The following ZC3H8 variants were observed in gnomAD, a reference collection of about 807,000 sequenced individuals.
ZC3H8 encodes zinc finger CCCH domain-containing protein 8.
A neutral mutation model predicts 42.5 loss-of-function variants in ZC3H8; 27 were observed. That is an observed-to-expected ratio of 0.64 (90% CI 0.47 to 0.88). The LOEUF (loss-of-function observed/expected upper bound fraction) is 0.88. Ranked by LOEUF, ZC3H8 falls within the 40% of genes least tolerant of loss-of-function variation. ZC3H8 has a pLI of 0.00. For missense variants in ZC3H8, 277 were observed against 336.1 expected, an observed-to-expected ratio of 0.82 and a Z score of 1.37; for synonymous variants, 101 against 110.1, an observed-to-expected ratio of 0.92 and a Z score of 0.52.
intron 8 of ZC3H8, among the ~76,000 whole-genome samples, chr2:112,224,013 C>T (rs1684706282): frequency 6.6e-6 from 1 of 152,040 alleles, no homozygotes; most frequent in South Asian, 2.1e-4. Flanking sequence ...GTGGTAGGTG[C>T]CTGTAATCCC....
chr2:112,248,357 GA>G (rs1477702973), intron 2 of ZC3H8, among the ~76,000 whole-genome samples: 1 of 151,192 alleles, frequency 6.6e-6, no homozygotes. Context: ...AAAAGAAAAA[GA>G]AAAGGAAAAA....
At chr2:112,253,140 TAAAA>T (rs375398776) in intron 1 of ZC3H8, among the ~76,000 whole-genome samples, 2,509 of 146,952 alleles carry the variant, frequency 0.017, 72 homozygotes, top group African/African-American at 0.059. Flanking sequence ...CTCAAAAAAA[TAAAA>T]AAAAAACCCA....
intron 2 of ZC3H8, among the ~76,000 whole-genome samples, chr2:112,248,363 GA>G (rs1469290710): frequency 6.6e-6 from 1 of 150,770 alleles, no homozygotes; most frequent in South Asian, 2.1e-4. Context: ...AAAAGAAAAG[GA>G]AAAAAAGAAA....
At chr2:112,235,862 C>A (rs762183521) in intron 4 of ZC3H8, among the ~76,000 whole-genome samples, 2 of 151,276 alleles carry the variant, frequency 1.3e-5, no homozygotes, top group Non-Finnish European at 2.9e-5. Flanking sequence ...GACTCAGTGG[C>A]CTTTGAAATG....
rs6747708 is a variant in ZC3H8, at chr2:112,238,306, G to A, written c.370+9C>T. ...TAAACTTTAAATGATAAAATAGTTT[G>A]ACTCTTACCCTGTGGGGTATCTTTT... On this transcript the variant is annotated intron_variant, in intron 3 of 8. Transcript: ENST00000409573. The A allele has an allele frequency of 2.6e-4, 424 of 1,609,574 alleles. 2 individuals carry two copies. The African/African-American group carries it at 4.9e-3, about 19-fold the overall frequency.
intron 8 of ZC3H8, among the ~76,000 whole-genome samples, chr2:112,228,534 C>T (rs1684950428): frequency 6.7e-6 from 1 of 149,610 alleles, no homozygotes; most frequent in African/African-American, 2.4e-5. Context: ...GACAATTGGA[C>T]ATCTACATGT....
At chr2:112,228,752 A>C (rs1331442274) in intron 8 of ZC3H8, among the ~76,000 whole-genome samples, 1 of 152,230 alleles carries the variant, frequency 6.6e-6, no homozygotes, top group African/African-American at 2.4e-5. Context: ...TACGACATCA[A>C]AATGAAAACT....
intron 6 of ZC3H8, 114 bp from the exon 7 acceptor site, chr2:112,232,061 T>C: frequency 9.5e-6 from 5 of 524,214 alleles, no homozygotes; most frequent in Non-Finnish European, 1.6e-5. Context: ...AGGTGGCTCA[T>C]GCCTGTAGGA....
At chr2:112,253,536 A>G (rs1386217336) in intron 1 of ZC3H8, among the ~76,000 whole-genome samples, 3 of 152,256 alleles carry the variant, frequency 2.0e-5, no homozygotes, top group Admixed American at 1.3e-4. Flanking sequence ...AATTGGGAGT[A>G]AAGTATTCGC....
chr2:112,237,890 T>A (rs912327507), intron 3 of ZC3H8, among the ~76,000 whole-genome samples: 1 of 152,224 alleles, frequency 6.6e-6, no homozygotes, highest in South Asian at 2.1e-4. Context: ...ATAATTGCCA[T>A]TTGCCCTCAT....
intron 8 of ZC3H8, 97 bp downstream of exon 8, chr2:112,230,806 A>G (rs1427540717): frequency 6.6e-6 from 5 of 756,998 alleles, no homozygotes; most frequent in African/African-American, 1.9e-5. Context: ...GAGGAAGAAG[A>G]AAAATACTTC....
intron 5 of ZC3H8, 96 bp downstream of exon 5, chr2:112,234,024 A>C: frequency 1.4e-6 from 1 of 707,708 alleles, no homozygotes; most frequent in Non-Finnish European, 2.1e-6. Flanking sequence ...TCCAGAATGA[A>C]ACAGCTTTAA....
rs556028944 is a variant in ZC3H8 at position 112,233,697 on chromosome 2, C to A, written c.622-326G>T. On this transcript the variant is annotated intron_variant, in intron 5 of 8. Coordinates refer to ENST00000409573, the MANE Select transcript of ZC3H8 (RefSeq NM_032494.3). ...CCTGGCTAACACGGTGAAACCTCGT[C>A]CCTACTAACAATACAAAAAAAATTA... Among the ~76,000 whole-genome samples, 20 of 152,168 alleles carry A rather than the reference C, an allele frequency of 1.3e-4. No homozygotes were observed. In the East Asian group the frequency reaches 3.7e-3, roughly 28 times the overall value.
intron 5 of ZC3H8, among the ~76,000 whole-genome samples, chr2:112,233,664 G>A (rs1270643772): frequency 1.3e-5 from 2 of 151,974 alleles, no homozygotes; most frequent in Admixed American, 6.6e-5. Flanking sequence ...TCAGGAGATC[G>A]AGACCATCCT....
In ZC3H8 at chr2:112,240,984, TGC is replaced by T. The variant is rs749968538; in HGVS notation, c.157-2458_157-2457del. Reference sequence around the variant, plus strand: ...GTGTGTGTGTGTGTGTGTGTGTGTGTGCGCGTGTGTATGTGTGTTGTGTTTTG... The same window carrying T: ...GTGTGTGTGTGTGTGTGTGTGTGTGTGCGTGTGTATGTGTGTTGTGTTTTG... On this transcript the variant is annotated intron_variant, in intron 2 of 8. Coordinates refer to ENST00000409573, the MANE Select transcript of ZC3H8 (RefSeq NM_032494.3). Among the ~76,000 whole-genome samples, 563 of 132,422 alleles carry T rather than the reference TGC, an allele frequency of 4.3e-3. 1 individual carries two copies. The highest frequency in any genetic ancestry group is 0.015 in the African/African-American group (519 of 33,656). 86.9% of individuals were successfully genotyped at this position (132,422 alleles called of 152,430 possible). A position where few individuals can be genotyped will look rare whatever the true frequency, so the allele number is the denominator to read the frequency against.
intron 5 of ZC3H8, 102 bp from the exon 6 acceptor site, chr2:112,233,473 G>A: frequency 1.0e-5 from 8 of 768,874 alleles, no homozygotes; most frequent in Non-Finnish European, 1.7e-5. Context: ...ATTCCAGAAA[G>A]AACCAAAGTC....
Position 112,213,049 on chromosome 2 carries a change from A to C in ZC3H8, c.*3435T>G, listed in dbSNP as rs1320280067. ...CAGTGGCACAATCAGGACTCACTGC[A>C]ACCTCGAATTCATGGGCTCCAGTGA... On this transcript the variant is annotated 3_prime_UTR_variant, in exon 9 of 9. Coordinates refer to ENST00000409573, the MANE Select transcript of ZC3H8 (RefSeq NM_032494.3). The C allele has an allele frequency of 6.7e-6, 1 of 149,618 alleles. No homozygotes were observed. Among genetic ancestry groups the C allele is most frequent in the East Asian group, 2.0e-4 (1 of 5,122 alleles). 9.3% of individuals were successfully genotyped at this position (149,618 alleles called of 1,614,324 possible).
Position 112,212,990 on chromosome 2 carries a change from TAA to T in ZC3H8, c.*3492_*3493del, listed in dbSNP as rs1684193123. The T allele has an allele frequency of 1.0e-5, 1 of 97,302 alleles. No homozygotes were observed. Among genetic ancestry groups the T allele is most frequent in the African/African-American group, 4.5e-5 (1 of 22,408 alleles). 6.0% of individuals were successfully genotyped at this position (97,302 alleles called of 1,614,324 possible). ...CTTTTTTTTTTTTTTTTTTTTTTTA[TAA>T]GAGACAAGGCTCTGTTGCCCAGGCT... On this transcript the variant is annotated 3_prime_UTR_variant, in exon 9 of 9. Coordinates refer to ENST00000409573, the MANE Select transcript of ZC3H8 (RefSeq NM_032494.3).
At chr2:112,237,618 C>T (rs1295997216) in intron 3 of ZC3H8, among the ~76,000 whole-genome samples, 1 of 151,190 alleles carries the variant, frequency 6.6e-6, no homozygotes, top group Non-Finnish European at 1.5e-5. Context: ...GCTCTGTTGT[C>T]CAGGTTGGAG....
Sources: gnomAD v4.1 joint callset for allele counts (sites outside exome capture counted in the v4.1 genomes callset) on GRCh38, gnomAD v4.1.1 for gene constraint, MANE v1.5 for transcripts, NCBI Gene and HGNC (gene_info 2026-07-23, HGNC 2026-07-21) for gene names.